PHACTR2: variants seen among roughly 807,000 people sequenced by gnomAD.
The protein encoded by PHACTR2 is phosphatase and actin regulator 2, also known as chromosome 6 open reading frame 56.
A neutral mutation model predicts 76.0 loss-of-function variants in PHACTR2; 30 were observed. The ratio of observed to expected loss-of-function variants is 0.39; its 90% CI spans 0.30 to 0.54. The LOEUF (loss-of-function observed/expected upper bound fraction) is 0.54. Ranked by LOEUF, PHACTR2 falls within the 20% of genes least tolerant of loss-of-function variation. PHACTR2 has a pLI of 0.61. For synonymous variants in PHACTR2, 292 were observed against 292.5 expected (o/e 1.00, Z 0.02); for missense variants, 696 against 781.1 (o/e 0.89, Z 1.30).
intron 2 of PHACTR2, among the ~76,000 whole-genome samples, chr6:143,729,925 A>T (rs761633198): frequency 1.1e-4 from 16 of 152,246 alleles, no homozygotes; most frequent in Non-Finnish European, 2.2e-4. Context: ...TTTCAACAGC[A>T]TTTGTTGAAA....
At chr6:143,788,976 C>T in intron 11 of PHACTR2, 66 bp downstream of exon 11, 1 of 1,458,874 alleles carries the variant, frequency 6.9e-7, no homozygotes, top group Non-Finnish European at 9.5e-7. Context: ...ATCCACATCC[C>T]CCCTACTTAA....
chr6:143,637,317 GAAA>G, intron 1 of PHACTR2, among the ~76,000 whole-genome samples: 1 of 142,106 alleles, frequency 7.0e-6, no homozygotes, highest in South Asian at 2.2e-4. Context: ...TTTGTTGTTT[GAAA>G]AAAAAAAGAA....
chr6:143,823,824 A>C lies in PHACTR2; in HGVS notation c.*135A>C. 3 of 784,828 alleles carry C rather than the reference A, an allele frequency of 3.8e-6. No individual in the cohort carries two copies. Among genetic ancestry groups the C allele is most frequent in the Non-Finnish European group, 6.6e-6 (3 of 453,012 alleles). The allele number at this position is 784,828 out of a possible 1,614,324, so 48.6% of individuals were successfully genotyped here. On this transcript the variant is annotated 3_prime_UTR_variant, in exon 13 of 13. Transcript: ENST00000440869. This position sits in a 1 kb window ranked among gnomAD's most constrained non-coding sequence, Gnocchi z 5.7. ...TTGTGGTGAAGGAAGTGTGTGACTC[A>C]GCTTGGCTGGGAAGTGCTCCTCACC...
chr6:143,566,466 T>C (rs889418564), intron 1 of PHACTR2, among the ~76,000 whole-genome samples: 1 of 151,664 alleles, frequency 6.6e-6, no homozygotes, highest in Non-Finnish European at 1.5e-5. Context: ...GCTATTCTTT[T>C]GTTGTTGTTG....
At chr6:143,766,156 C>T (rs1287717126) in intron 6 of PHACTR2, among the ~76,000 whole-genome samples, 1 of 152,234 alleles carries the variant, frequency 6.6e-6, no homozygotes, top group Non-Finnish European at 1.5e-5. Context: ...CAGCAAGTTA[C>T]TGAGCCTTCC....
rs1776492491 is a variant in PHACTR2, at chr6:143,824,365, A to T, written c.*676A>T. On this transcript the variant is annotated 3_prime_UTR_variant, in exon 13 of 13. Transcript: ENST00000440869. The surrounding 1 kb of genome is among the most constrained non-coding windows in gnomAD (Gnocchi z 6.3). ...CATGCATCTTTTTCTTAAATGCAAGAGCTTCTACTGACTCTTAACAAGCAT... is the reference window on the plus strand; with the variant it reads ...CATGCATCTTTTTCTTAAATGCAAGTGCTTCTACTGACTCTTAACAAGCAT... 6.6e-6 allele frequency: 1 copy of T among 152,634 alleles called. No individual in the cohort carries two copies. Among genetic ancestry groups the T allele is most frequent in the South Asian group, 2.1e-4 (1 of 4,832 alleles). The allele number at this position is 152,634 out of a possible 1,614,324, so 9.5% of individuals were successfully genotyped here.
At chr6:143,566,552 C>T (rs1395565971) in intron 1 of PHACTR2, among the ~76,000 whole-genome samples, 1 of 152,182 alleles carries the variant, frequency 6.6e-6, no homozygotes, top group Non-Finnish European at 1.5e-5. Context: ...AATCCTCCTA[C>T]CTTGGCTTTC....
At chr6:143,676,376 A>T (rs376681567), upstream of PHACTR2, among the ~76,000 whole-genome samples, 172 of 152,350 alleles carry the variant, frequency 1.1e-3, no homozygotes, top group East Asian at 1.5e-3. The surrounding 1 kb of genome is among the most constrained non-coding windows in gnomAD (Gnocchi z 4.8). Flanking sequence ...AATGATAGCA[A>T]CCTTAAAGTT....
Position 143,608,360 on chromosome 6 carries a change from C to A in PHACTR2, c.13+38C>A, listed in dbSNP as rs1335077598. ...AGCATGAATTCTTCATAGCTGCTGG[C>A]TTCCTTTGCAGCCCGCATCCTTTAC... On this transcript the variant is annotated intron_variant, in intron 1 of 11. Coordinates refer to the PHACTR2 transcript ENST00000305766. This position sits in a 1 kb window ranked among gnomAD's most constrained non-coding sequence, Gnocchi z 4.6. 5 of 1,609,250 alleles carry A rather than the reference C, an allele frequency of 3.1e-6. No homozygotes were observed. In the South Asian group the frequency reaches 5.5e-5, roughly 18 times the overall value.
chr6:143,796,625 T>A (rs1775830632), intron 11 of PHACTR2, among the ~76,000 whole-genome samples: 1 of 152,114 alleles, frequency 6.6e-6, no homozygotes, highest in African/African-American at 2.4e-5. Context: ...GTGTTCTTAT[T>A]GTTCAACTCC....
chr6:143,823,750 GA>G lies in PHACTR2; in HGVS notation c.*65del, dbSNP rs571133698. ...ATCTTTGGGGGAAGCCCTGCTTCCT[GA>G]AAACCTGATATTGCACTGGGATTTG... On this transcript the variant is annotated 3_prime_UTR_variant, in exon 13 of 13. Transcript: ENST00000440869. The surrounding 1 kb of genome is among the most constrained non-coding windows in gnomAD (Gnocchi z 5.7). 4.1e-4 allele frequency: 553 copies of G among 1,337,606 alleles called. 5 individuals carry two copies. In the Admixed American group the frequency reaches 8.8e-3, roughly 21 times the overall value. The allele number at this position is 1,337,606 out of a possible 1,614,324, so 82.9% of individuals were successfully genotyped here. A position where few individuals can be genotyped will look rare whatever the true frequency, so the allele number is the denominator to read the frequency against.
chr6:143,701,236 C>G (rs1040205628), intron 1 of PHACTR2, among the ~76,000 whole-genome samples: 1 of 152,192 alleles, frequency 6.6e-6, no homozygotes, highest in Non-Finnish European at 1.5e-5. Flanking sequence ...TCTGTCAGTG[C>G]TTGCAGGCAG....
In PHACTR2 at chr6:143,641,757, C is replaced by A. The variant is rs1776566203; in HGVS notation, c.13+33435C>A. Among the ~76,000 whole-genome samples the A allele has an allele frequency of 6.6e-6, 1 of 152,152 alleles. No homozygotes were observed. Among genetic ancestry groups the A allele is most frequent in the Non-Finnish European group, 1.5e-5 (1 of 68,032 alleles). ...CCAACCTCAGGTGATCCACTGGCCT[C>A]AGCCTCCGAAAGTGCTGGGATTACA... On this transcript the variant is annotated intron_variant, in intron 1 of 11. Coordinates refer to the PHACTR2 transcript ENST00000305766. This position sits in a 1 kb window ranked among gnomAD's most constrained non-coding sequence, Gnocchi z 5.8.
chr6:143,737,236 A>G (rs887089967), intron 2 of PHACTR2, among the ~76,000 whole-genome samples: 2 of 151,366 alleles, frequency 1.3e-5, no homozygotes. Flanking sequence ...TAAGAATTAT[A>G]TATATTATAT....
At position 143,761,153 on chromosome 6, in the gene PHACTR2, C is replaced by T. The variant is rs1381606662; in HGVS notation, c.694+513C>T. ...GATAAATGACAAAGGGTTCATGTCA[C>T]TTGTTTCAGCTCCACCCCACCACTT... On this transcript the variant is annotated intron_variant, in intron 5 of 12. Transcript: ENST00000440869. The surrounding 1 kb of genome is among the most constrained non-coding windows in gnomAD (Gnocchi z 5.2). Among the ~76,000 whole-genome samples, 1 of 152,226 alleles carries T rather than the reference C, an allele frequency of 6.6e-6. No individual in the cohort carries two copies. Among genetic ancestry groups the T allele is most frequent in the Non-Finnish European group, 1.5e-5 (1 of 68,044 alleles).
rs183880551 is a variant in PHACTR2 at position 143,733,139 on chromosome 6, G to C, written c.215-15846G>C. Among the ~76,000 whole-genome samples, 582 of 152,168 alleles carry C rather than the reference G, an allele frequency of 3.8e-3. 5 individuals are homozygous for C. The highest frequency in any genetic ancestry group is 0.013 in the African/African-American group (529 of 41,512). On this transcript the variant is annotated intron_variant, in intron 2 of 12. Coordinates refer to ENST00000440869, the MANE Select transcript of PHACTR2 (RefSeq NM_001100164.2). The surrounding 1 kb of genome is among the most constrained non-coding windows in gnomAD (Gnocchi z 4.0). ...GGTGTCCAACTGGCTTCAAGTGATT[G>C]TCCTACCTTGACCTCCCAAAGTGCT...
rs1310857275 is a variant in PHACTR2 at position 143,672,936 on chromosome 6, G to A, written c.14-39080G>A. 6.6e-6 allele frequency among the ~76,000 whole-genome samples: 1 copy of A among 152,090 alleles called. No individual in the cohort carries two copies. Among genetic ancestry groups the A allele is most frequent in the African/African-American group, 2.4e-5 (1 of 41,418 alleles). On this transcript the variant is annotated intron_variant, in intron 1 of 11. Coordinates refer to the PHACTR2 transcript ENST00000305766. This position sits in a 1 kb window ranked among gnomAD's most constrained non-coding sequence, Gnocchi z 5.8. ...GACAGGGTTTCACCATGTTGGCCAG[G>A]CTGGTCTCAAGCTCCTGACCTCAGG...
chr6:143,574,694 A>T (rs1346011693), intron 1 of PHACTR2, among the ~76,000 whole-genome samples: 4 of 12,958 alleles, frequency 3.1e-4, no homozygotes, highest in African/African-American at 1.5e-3. Flanking sequence ...GATGGCATTA[A>T]AAAAAAAAAA....
intron 2 of PHACTR2, 52 bp downstream of exon 2, chr6:143,712,235 A>C: frequency 8.1e-7 from 1 of 1,228,178 alleles, no homozygotes; most frequent in Non-Finnish European, 1.1e-6. Flanking sequence ...AAACGTTTTA[A>C]AAGGTAGAAA....
Sources: allele counts gnomAD v4.1 joint callset (sites outside exome capture counted in the v4.1 genomes callset), GRCh38; gene constraint gnomAD v4.1.1; non-coding constraint Gnocchi (gnomAD v3.1); transcripts MANE v1.5; gene names NCBI Gene and HGNC (gene_info 2026-07-23, HGNC 2026-07-21).